Variants in NAV1 observed in about 807,000 individuals in gnomAD.
NAV1 encodes the protein neuron navigator 1, also known as pore membrane and/or filament interacting like protein 3.
Under a neutral mutation model 175.2 loss-of-function variants are expected in NAV1, and 18 were observed. The observed-to-expected ratio is 0.10, with a 90% confidence interval of 0.07 to 0.15. The LOEUF (loss-of-function observed/expected upper bound fraction) is 0.15. NAV1 is among the 10% of genes least tolerant of loss of function. The probability of loss-of-function intolerance (pLI) is 1.00; values close to 1 mark genes in which losing one functional copy is unlikely to be tolerated. For missense variants in NAV1, 1,731 were observed against 2,436.6 expected, an observed-to-expected ratio of 0.71 and a Z score of 6.10; for synonymous variants, 897 against 978.7, an observed-to-expected ratio of 0.92 and a Z score of 1.56.
chr1:201,612,301 C>G (rs1667870559), intron 2 of NAV1, among the ~76,000 whole-genome samples: 1 of 151,914 alleles, frequency 6.6e-6, no homozygotes, highest in Non-Finnish European at 1.5e-5. Context: ...AATTAAAAAA[C>G]AAAATTATCA....
intron 3 of NAV1, among the ~76,000 whole-genome samples, chr1:201,774,778 C>T (rs907982032): frequency 1.3e-5 from 2 of 152,188 alleles, no homozygotes; most frequent in Non-Finnish European, 2.9e-5. Context: ...ACATATTTCA[C>T]AACTACCACA....
rs746874612 is a variant in NAV1, at chr1:201,808,669, G to T, written c.4039-34G>T. ...AAGACCAAGGCTTGCTGTCTGTCCA[G>T]TCTGCCACCCTACCCTGTCTGTTCT... On this transcript the variant is annotated intron_variant, in intron 19 of 29. Coordinates refer to ENST00000367296, the Ensembl canonical transcript of NAV1. This position sits in a 1 kb window ranked among gnomAD's most constrained non-coding sequence, Gnocchi z 5.5. 6.2e-7 allele frequency: 1 copy of T among 1,614,238 alleles called. No homozygotes were observed. Among genetic ancestry groups the T allele is most frequent in the Non-Finnish European group, 8.5e-7 (1 of 1,180,038 alleles).
chr1:201,739,923 CCA>C (rs1673293948), intron 3 of NAV1: 5 of 1,327,996 alleles, frequency 3.8e-6, no homozygotes, highest in Middle Eastern at 4.2e-4. Context: ...TCCGCGTGGC[CCA>C]CAGCTCATAC....
intron 1 of NAV1, among the ~76,000 whole-genome samples, chr1:201,666,209 T>A (rs923791798): frequency 2.0e-5 from 3 of 152,062 alleles, no homozygotes; most frequent in Non-Finnish European, 4.4e-5. Context: ...AGCCAGCACC[T>A]CCTTCTCCAT....
At chr1:201,705,783 G>A (rs1285781560) in intron 1 of NAV1, among the ~76,000 whole-genome samples, 6 of 152,132 alleles carry the variant, frequency 3.9e-5, no homozygotes, top group South Asian at 2.1e-4. Flanking sequence ...TAGAGAGAGG[G>A]GATGGAGTCA....
At chr1:201,588,139 T>C (rs932050190) in intron 1 of NAV1, among the ~76,000 whole-genome samples, 1 of 152,116 alleles carries the variant, frequency 6.6e-6, no homozygotes, top group Non-Finnish European at 1.5e-5. Flanking sequence ...GCAAAATTCA[T>C]AATAGCCAAA....
At chr1:201,743,485 C>T (rs1384290596) in intron 3 of NAV1, among the ~76,000 whole-genome samples, 3 of 152,222 alleles carry the variant, frequency 2.0e-5, no homozygotes, top group Admixed American at 2.0e-4. Context: ...GTTTTCCTCT[C>T]TATAAAATGG....
exon 30 of NAV1, chr1:201,822,182 C>A (rs1403542306): frequency 2.0e-5 from 3 of 152,742 alleles, no homozygotes; most frequent in Non-Finnish European, 2.9e-5. Flanking sequence ...GTAACATATG[C>A]AATTCTGTGG....
intron 2 of NAV1, among the ~76,000 whole-genome samples, chr1:201,614,299 GC>G (rs1345451720): frequency 6.6e-6 from 1 of 152,176 alleles, no homozygotes; most frequent in Non-Finnish European, 1.5e-5. Flanking sequence ...CGCAATCGCG[GC>G]CCCTTTAACA....
chr1:201,649,004 C>G (rs567831499), exon 1 of NAV1: 9 of 1,613,484 alleles, frequency 5.6e-6, no homozygotes, highest in African/African-American at 1.3e-5. Context: ...CCGAATGGAG[C>G]GACGATATGG....
At chr1:201,634,666 A>G (rs2102302959) in intron 2 of NAV1, among the ~76,000 whole-genome samples, 1 of 152,308 alleles carries the variant, frequency 6.6e-6, no homozygotes, top group Non-Finnish European at 1.5e-5. Context: ...TGACTTTTCA[A>G]GACAATATTT....
intron 2 of NAV1, among the ~76,000 whole-genome samples, chr1:201,642,700 C>T (rs377315643): frequency 0.12 from 16,218 of 139,332 alleles, 1,312 homozygotes; most frequent in African/African-American, 0.24. Context: ...TTTCTTCTCT[C>T]TCTTTCTTTC....
exon 1 of NAV1, chr1:201,623,177 C>A: frequency 2.0e-6 from 2 of 985,980 alleles, no homozygotes; most frequent in Non-Finnish European, 2.4e-6. Context: ...CCCTTCAGCT[C>A]CCCATGGAAT....
rs550370716 is a variant in NAV1, at chr1:201,787,287, G to A, written c.2995+710G>A. 1.3e-5 allele frequency among the ~76,000 whole-genome samples: 2 copies of A among 152,334 alleles called. No individual in the cohort carries two copies. Among genetic ancestry groups the A allele is most frequent in the South Asian group, 4.1e-4 (2 of 4,830 alleles). ...AGGAATCCATTCAGGAATAGTGCCT[G>A]GGATAGGCCTGTTATCTGCTTGCTG... On this transcript the variant is annotated intron_variant, in intron 9 of 29. Transcript: ENST00000367296. The surrounding 1 kb of genome is among the most constrained non-coding windows in gnomAD (Gnocchi z 4.3).
intron 2 of NAV1, among the ~76,000 whole-genome samples, chr1:201,604,115 G>T (rs987978614): frequency 2.6e-5 from 4 of 152,278 alleles, no homozygotes; most frequent in East Asian, 3.9e-4. Flanking sequence ...GAGTGCAGTG[G>T]CACGATCACT....
At chr1:201,666,122 C>T (rs1669813567) in intron 1 of NAV1, among the ~76,000 whole-genome samples, 1 of 152,054 alleles carries the variant, frequency 6.6e-6, no homozygotes, top group Non-Finnish European at 1.5e-5. Context: ...CCACCATTCT[C>T]ATAAACAGCC....
chr1:201,724,301 C>G (rs967781940), intron 3 of NAV1: 3 of 152,244 alleles, frequency 2.0e-5, no homozygotes, highest in Non-Finnish European at 4.4e-5. Flanking sequence ...ATCTGTCCTT[C>G]CATCCCTGGC....
At chr1:201,801,370 A>T (rs1677855937) in intron 15 of NAV1, among the ~76,000 whole-genome samples, 1 of 152,166 alleles carries the variant, frequency 6.6e-6, no homozygotes, top group South Asian at 2.1e-4. Flanking sequence ...CCTTCATCTA[A>T]CAGGTTTTGT....
intron 1 of NAV1, among the ~76,000 whole-genome samples, chr1:201,582,736 C>T (rs1666903034): frequency 6.6e-6 from 1 of 152,214 alleles, no homozygotes; most frequent in Non-Finnish European, 1.5e-5. Context: ...GAAGCCTGTC[C>T]TCGGGAATGG....
Sources: allele counts gnomAD v4.1 joint callset (sites outside exome capture counted in the v4.1 genomes callset), GRCh38; gene constraint gnomAD v4.1.1; non-coding constraint Gnocchi (gnomAD v3.1); transcripts MANE v1.5; gene names NCBI Gene and HGNC (gene_info 2026-07-23, HGNC 2026-07-21).